The following CAMKMT variants were observed in gnomAD, a reference collection of about 807,000 sequenced individuals.
CAMKMT encodes the protein CaM KMT.
In CAMKMT, 53 loss-of-function variants were observed where a neutral mutation model predicts 48.0. The ratio of observed to expected loss-of-function variants is 1.10; its 90% CI spans 0.89 to 1.39. The LOEUF (loss-of-function observed/expected upper bound fraction) is 1.39, where lower values mean the gene tolerates loss of function less well. Among genes scored for constraint, CAMKMT ranks in the 40% most tolerant of loss-of-function variants. The probability of loss-of-function intolerance (pLI) is 0.00; values close to 1 mark genes in which losing one functional copy is unlikely to be tolerated. For missense variants in CAMKMT, 428 were observed against 402.7 expected, an observed-to-expected ratio of 1.06 and a Z score of -0.54; for synonymous variants, 165 against 152.3, an observed-to-expected ratio of 1.08 and a Z score of -0.61.
At chr2:44,381,895 A>G (rs989730761) in intron 2 of CAMKMT, among the ~76,000 whole-genome samples, 2 of 146,156 alleles carry the variant, frequency 1.4e-5, no homozygotes, top group East Asian at 3.9e-4. Flanking sequence ...CTTTTTTTGG[A>G]TTTCAATACT....
At chr2:44,415,728 A>G (rs1683506938) in intron 3 of CAMKMT, among the ~76,000 whole-genome samples, 1 of 152,204 alleles carries the variant, frequency 6.6e-6, no homozygotes, top group African/African-American at 2.4e-5. Context: ...CATTTCTTCA[A>G]GTGGCTGCCA....
At chr2:44,485,473 A>G (rs545333239) in intron 3 of CAMKMT, among the ~76,000 whole-genome samples, 1 of 152,366 alleles carries the variant, frequency 6.6e-6, no homozygotes, top group South Asian at 2.1e-4. Context: ...TGCATCACTT[A>G]ACAATGGCGA....
chr2:44,488,666 C>A (rs937834253), intron 3 of CAMKMT, among the ~76,000 whole-genome samples: 1 of 151,880 alleles, frequency 6.6e-6, no homozygotes, highest in South Asian at 2.1e-4. Context: ...TGCTCCACTG[C>A]ACTCCAGCCT....
chr2:44,454,785 A>T (rs1176150327), intron 3 of CAMKMT, among the ~76,000 whole-genome samples: 1 of 152,172 alleles, frequency 6.6e-6, no homozygotes, highest in African/African-American at 2.4e-5. Context: ...TGTACTCTTT[A>T]GAATTGTATT....
chr2:44,579,231 A>G (rs951800108), intron 3 of CAMKMT, among the ~76,000 whole-genome samples: 1 of 150,538 alleles, frequency 6.6e-6, no homozygotes, highest in South Asian at 2.1e-4. Flanking sequence ...ATAATGTTCT[A>G]TTTTTTTTTT....
intron 3 of CAMKMT, among the ~76,000 whole-genome samples, chr2:44,572,927 C>T (rs1572830349): frequency 6.6e-6 from 1 of 152,182 alleles, no homozygotes; most frequent in Non-Finnish European, 1.5e-5. Context: ...CCAATTGTAT[C>T]TCTTGTGGTT....
chr2:44,636,223 G>A (rs1673126130), intron 3 of CAMKMT, among the ~76,000 whole-genome samples: 1 of 152,168 alleles, frequency 6.6e-6, no homozygotes, highest in African/African-American at 2.4e-5. Flanking sequence ...AGTTTTAGAG[G>A]TCCCAGAAAT....
At chr2:44,532,414 G>C (rs1213340546) in intron 3 of CAMKMT, among the ~76,000 whole-genome samples, 1 of 152,156 alleles carries the variant, frequency 6.6e-6, no homozygotes, top group Non-Finnish European at 1.5e-5. Flanking sequence ...CAAAAGTTAA[G>C]GAAAGTTTGA....
chr2:44,399,704 C>A (rs1424658152), intron 3 of CAMKMT, among the ~76,000 whole-genome samples: 1 of 151,650 alleles, frequency 6.6e-6, no homozygotes, highest in East Asian at 1.9e-4. Flanking sequence ...TATCCCCTTT[C>A]CTTCTGATTT....
intron 3 of CAMKMT, among the ~76,000 whole-genome samples, chr2:44,442,247 G>A (rs564240032): frequency 2.0e-5 from 3 of 152,234 alleles, no homozygotes; most frequent in East Asian, 1.9e-4. Flanking sequence ...CCCATCTGTG[G>A]CTCTAGTGGA....
chr2:44,723,596 ATAAATACATAC>A (rs1318908404), intron 7 of CAMKMT: 1 of 96,110 alleles, frequency 1.0e-5, no homozygotes, highest in African/African-American at 5.1e-5. Flanking sequence ...CTCAAAATAA[ATAAATACATAC>A]ATAAATAAAT....
chr2:44,402,110 T>G (rs1166761316), intron 3 of CAMKMT, among the ~76,000 whole-genome samples: 1 of 152,122 alleles, frequency 6.6e-6, no homozygotes, highest in Non-Finnish European at 1.5e-5. Flanking sequence ...GTGGATCACC[T>G]GAGGTTGGGC....
chr2:44,667,262 G>A (rs1439817948), intron 3 of CAMKMT, among the ~76,000 whole-genome samples: 1 of 152,088 alleles, frequency 6.6e-6, no homozygotes, highest in Non-Finnish European at 1.5e-5. Context: ...TCCCATAAGG[G>A]ACTATGTTGA....
Position 44,528,951 on chromosome 2 carries a change from A to C in CAMKMT, c.376+138646A>C, listed in dbSNP as rs1178121364. On this transcript the variant is annotated intron_variant, in intron 3 of 10. Coordinates refer to ENST00000378494, the MANE Select transcript of CAMKMT (RefSeq NM_024766.5). ...TACTAAGTTTCTGTTTGTCTATTTTATGATGTTAGTGGCCATTATTTCGTT... is the reference window on the plus strand; with the variant it reads ...TACTAAGTTTCTGTTTGTCTATTTTCTGATGTTAGTGGCCATTATTTCGTT... Among the ~76,000 whole-genome samples, 5 of 151,502 alleles carry C rather than the reference A, an allele frequency of 3.3e-5. No homozygotes were observed. The East Asian group carries it at 9.6e-4, about 29-fold the overall frequency.
At chr2:44,384,705 C>G (rs143516382) in intron 2 of CAMKMT, among the ~76,000 whole-genome samples, 15 of 152,112 alleles carry the variant, frequency 9.9e-5, no homozygotes, top group Non-Finnish European at 2.1e-4. Flanking sequence ...ATATAGCTAG[C>G]CAATTATTCC....
intron 7 of CAMKMT, among the ~76,000 whole-genome samples, chr2:44,721,020 G>C (rs1296671974): frequency 6.6e-6 from 1 of 152,116 alleles, no homozygotes; most frequent in African/African-American, 2.4e-5. Context: ...AGTCACCTCA[G>C]TGGGTTATTG....
At chr2:44,741,773 A>G (rs749596292) in intron 7 of CAMKMT, among the ~76,000 whole-genome samples, 10 of 152,214 alleles carry the variant, frequency 6.6e-5, no homozygotes, top group Non-Finnish European at 1.3e-4. Flanking sequence ...ATCCATACCC[A>G]GTCGCTGCTT....
chr2:44,432,466 G>A lies in CAMKMT; in HGVS notation c.376+42161G>A, dbSNP rs145081240. On this transcript the variant is annotated intron_variant, in intron 3 of 10. Transcript: ENST00000378494. ...TGAAAAGCAATGCCCCTGGGTCTCAGAAGAGAATACTGGTGGGAGAAGAAA... is the reference window on the plus strand; with the variant it reads ...TGAAAAGCAATGCCCCTGGGTCTCAAAAGAGAATACTGGTGGGAGAAGAAA... Among the ~76,000 whole-genome samples the A allele has an allele frequency of 2.8e-3, 423 of 152,328 alleles. 9 individuals carry two copies. The highest frequency in any genetic ancestry group is 0.02 in the Admixed American group (306 of 15,302).
At chr2:44,386,187 A>G (rs774554951) in intron 2 of CAMKMT, among the ~76,000 whole-genome samples, 1 of 151,914 alleles carries the variant, frequency 6.6e-6, no homozygotes, top group Non-Finnish European at 1.5e-5. Flanking sequence ...TCTAATTCTC[A>G]TGCTTTACTG....
Sources: gnomAD v4.1 joint callset for allele counts (sites outside exome capture counted in the v4.1 genomes callset) on GRCh38, gnomAD v4.1.1 for gene constraint, MANE v1.5 for transcripts, NCBI Gene and HGNC (gene_info 2026-07-23, HGNC 2026-07-21) for gene names.